The following PRKN variants were observed in gnomAD, a reference collection of about 807,000 sequenced individuals.
The protein encoded by PRKN is parkin RBR E3 ubiquitin protein ligase.
In PRKN, 56 loss-of-function variants were observed where a neutral mutation model predicts 59.5. The ratio of observed to expected loss-of-function variants is 0.94; its 90% CI spans 0.76 to 1.18. PRKN has a LOEUF of 1.18. Among genes scored for constraint, PRKN ranks in the 50% most tolerant of loss-of-function variants. PRKN has a pLI of 0.00. For missense variants in PRKN, 657 were observed against 596.4 expected (o/e 1.10, Z -1.06); for synonymous variants, 250 against 222.1 (o/e 1.13, Z -1.12).
intron 3 of PRKN, among the ~76,000 whole-genome samples, chr6:162,225,756 A>T (rs1442669542): frequency 6.6e-6 from 1 of 152,038 alleles, no homozygotes; most frequent in Admixed American, 6.6e-5. Flanking sequence ...GATGTAGCTG[A>T]TGTGTTTAAC....
At chr6:161,908,105 A>G (rs1460689265) in intron 6 of PRKN, among the ~76,000 whole-genome samples, 1 of 152,090 alleles carries the variant, frequency 6.6e-6, no homozygotes, top group Non-Finnish European at 1.5e-5. Flanking sequence ...AACAACAACA[A>G]CAACAACAAA....
intron 4 of PRKN, among the ~76,000 whole-genome samples, chr6:162,093,113 A>G (rs928641732): frequency 1.3e-5 from 2 of 152,194 alleles, no homozygotes; most frequent in African/African-American, 4.8e-5. Flanking sequence ...TTTGGATGCC[A>G]GGCCTACAGA....
chr6:162,283,054 A>T (rs566804809), intron 2 of PRKN, among the ~76,000 whole-genome samples: 2 of 151,076 alleles, frequency 1.3e-5, no homozygotes, highest in African/African-American at 2.4e-5. Context: ...ATAGAATGGA[A>T]TTTTTTTTCT....
rs1790012723 is a variant in PRKN at position 161,457,250 on chromosome 6, T to C, written c.1084-70373A>G. 6.6e-6 allele frequency among the ~76,000 whole-genome samples: 1 copy of C among 152,178 alleles called. No homozygotes were observed. Among genetic ancestry groups the C allele is most frequent in the Non-Finnish European group, 1.5e-5 (1 of 68,028 alleles). Reference sequence around the variant, plus strand: ...TACTTTTCCTACACATGTGTCTCTGTTAAGCACTTTGCAAGGAGGATGGGC... The same window carrying C: ...TACTTTTCCTACACATGTGTCTCTGCTAAGCACTTTGCAAGGAGGATGGGC... On this transcript the variant is annotated intron_variant, in intron 9 of 11. Coordinates refer to ENST00000366898, the MANE Select transcript of PRKN (RefSeq NM_004562.3). This position sits in a 1 kb window ranked among gnomAD's most constrained non-coding sequence, Gnocchi z 5.0.
intron 7 of PRKN, among the ~76,000 whole-genome samples, chr6:161,681,796 A>G (rs1785375325): frequency 6.6e-6 from 1 of 152,210 alleles, no homozygotes; most frequent in Non-Finnish European, 1.5e-5. Context: ...GGGTAGGCAG[A>G]TATGTGTGGC....
rs368917555 is a variant in PRKN, at chr6:161,885,402, A to AC, written c.734+87899_734+87900insG. ...ATGTCTGGGCCGGGTGCGGTGGCTC[A>AC]GCCTGTAATCCCAGCACTTTGGGAG... On this transcript the variant is annotated intron_variant, in intron 6 of 11. Transcript: ENST00000366898. Among the ~76,000 whole-genome samples, 512 of 152,182 alleles carry AC rather than the reference A, an allele frequency of 3.4e-3. 1 individual carries two copies. The highest frequency in any genetic ancestry group is 0.01 in the African/African-American group (421 of 41,530).
At chr6:162,350,447 C>G in intron 2 of PRKN, among the ~76,000 whole-genome samples, 1 of 151,902 alleles carries the variant, frequency 6.6e-6, no homozygotes, top group East Asian at 1.9e-4. Flanking sequence ...ATCAAGCTAC[C>G]GTAAAAAAGA....
At chr6:162,665,417 T>C (rs1779063541) in intron 1 of PRKN, among the ~76,000 whole-genome samples, 1 of 151,962 alleles carries the variant, frequency 6.6e-6, no homozygotes, top group South Asian at 2.1e-4. Flanking sequence ...AAATCATGAA[T>C]GAACTCCCAT....
At chr6:161,811,688 C>T (rs1050165227) in intron 6 of PRKN, among the ~76,000 whole-genome samples, 4 of 152,000 alleles carry the variant, frequency 2.6e-5, no homozygotes, top group Admixed American at 6.6e-5. Context: ...TTTGGGAGGC[C>T]GAGGCGGGTG....
chr6:161,674,531 T>C (rs1431800690), intron 7 of PRKN, among the ~76,000 whole-genome samples: 1 of 152,172 alleles, frequency 6.6e-6, no homozygotes, highest in Non-Finnish European at 1.5e-5. Flanking sequence ...TATCATACAA[T>C]TGACAGCATC....
chr6:161,414,472 T>A lies in PRKN; in HGVS notation c.1084-27595A>T, dbSNP rs1431775792. Among the ~76,000 whole-genome samples the A allele has an allele frequency of 6.6e-6, 1 of 152,242 alleles. No individual in the cohort carries two copies. The highest frequency in any genetic ancestry group is 1.5e-5 in the Non-Finnish European group (1 of 68,048). On this transcript the variant is annotated intron_variant, in intron 9 of 11. Coordinates refer to ENST00000366898, the MANE Select transcript of PRKN (RefSeq NM_004562.3). The surrounding 1 kb of genome is among the most constrained non-coding windows in gnomAD (Gnocchi z 5.3). The stretch of plus-strand genomic sequence containing the variant: ...CCAAATGCAAAGTGCCACTCTCAAA[T>A]GTTCTCTGATCTCCTGTTCGAAGCA...
intron 2 of PRKN, among the ~76,000 whole-genome samples, chr6:162,406,362 C>T (rs866369644): frequency 2.6e-5 from 4 of 152,194 alleles, no homozygotes; most frequent in African/African-American, 9.7e-5. Context: ...ATGAACAGTA[C>T]TCTTACCTTC....
At chr6:162,037,879 AT>A (rs928785857) in intron 5 of PRKN, among the ~76,000 whole-genome samples, 8 of 150,560 alleles carry the variant, frequency 5.3e-5, no homozygotes, top group South Asian at 2.1e-4. Flanking sequence ...ACGTTGGCTA[AT>A]TTTTTTTTCA....
intron 7 of PRKN, among the ~76,000 whole-genome samples, chr6:161,625,752 G>A (rs892799145): frequency 3.9e-5 from 6 of 152,006 alleles, no homozygotes; most frequent in African/African-American, 1.4e-4. Flanking sequence ...GCCAGCTCAG[G>A]GCTCAGCACA....
At chr6:161,536,930 T>A (rs978095938) in intron 9 of PRKN, among the ~76,000 whole-genome samples, 2 of 152,208 alleles carry the variant, frequency 1.3e-5, no homozygotes, top group African/African-American at 4.8e-5. Context: ...GTGAAGCAGT[T>A]CCCATCCATC....
intron 1 of PRKN, among the ~76,000 whole-genome samples, chr6:162,678,593 T>A (rs1359460665): frequency 6.6e-6 from 1 of 152,248 alleles, no homozygotes; most frequent in Non-Finnish European, 1.5e-5. Flanking sequence ...ATCTGTATAC[T>A]ATCTTTGGGG....
chr6:162,296,417 C>T lies in PRKN; in HGVS notation c.172-33652G>A, dbSNP rs138954214. Among the ~76,000 whole-genome samples, 510 of 152,158 alleles carry T rather than the reference C, an allele frequency of 3.4e-3. 3 individuals carry two copies. The highest frequency in any genetic ancestry group is 0.012 in the African/African-American group (481 of 41,518). On this transcript the variant is annotated intron_variant, in intron 2 of 11. Transcript: ENST00000366898. The stretch of plus-strand genomic sequence containing the variant: ...TGAGTCTGATACTCATATCACTCAT[C>T]TCCTTTCTGAGCATTGCAGGCTTTA...
Position 161,454,201 on chromosome 6 carries a change from C to T in PRKN, c.1084-67324G>A, listed in dbSNP as rs912893756. ...GGCGATGTCCCCTTGGGTCACAGAA[C>T]GGCAGCATGGGTTCTATAGGTCGGG... On this transcript the variant is annotated intron_variant, in intron 9 of 11. Transcript: ENST00000366898. The surrounding 1 kb of genome is among the most constrained non-coding windows in gnomAD (Gnocchi z 4.6). Among the ~76,000 whole-genome samples the T allele has an allele frequency of 2.6e-5, 4 of 152,110 alleles. No individual in the cohort carries two copies. Among genetic ancestry groups the T allele is most frequent in the Admixed American group, 1.3e-4 (2 of 15,280 alleles).
In PRKN at chr6:161,414,379, G is replaced by A. The variant is rs1017558181; in HGVS notation, c.1084-27502C>T. ...TCCCAGATTCTGTTTAGATGCACCCGAGGCCCCAGGCAAAGGTTTCTGCCT... is the reference window on the plus strand; with the variant it reads ...TCCCAGATTCTGTTTAGATGCACCCAAGGCCCCAGGCAAAGGTTTCTGCCT... On this transcript the variant is annotated intron_variant, in intron 9 of 11. Transcript: ENST00000366898. This position sits in a 1 kb window ranked among gnomAD's most constrained non-coding sequence, Gnocchi z 5.3. Among the ~76,000 whole-genome samples the A allele has an allele frequency of 1.5e-4, 23 of 152,268 alleles. No homozygotes were observed. The highest frequency in any genetic ancestry group is 4.8e-4 in the African/African-American group (20 of 41,544).
Sources: allele counts gnomAD v4.1 joint callset (sites outside exome capture counted in the v4.1 genomes callset), GRCh38; gene constraint gnomAD v4.1.1; non-coding constraint Gnocchi (gnomAD v3.1); transcripts MANE v1.5; gene names NCBI Gene and HGNC (gene_info 2026-07-23, HGNC 2026-07-21).